The following GRIN2B variants were observed in gnomAD, a reference collection of about 807,000 sequenced individuals.
The protein encoded by GRIN2B is glutamate ionotropic receptor NMDA type subunit 2B.
A neutral mutation model predicts 114.5 loss-of-function variants in GRIN2B; 5 were observed. The ratio of observed to expected loss-of-function variants is 0.04; its 90% CI spans 0.02 to 0.09. The LOEUF is 0.09. Among genes scored for constraint, GRIN2B ranks in the 10% least tolerant of loss-of-function variants. The pLI is 1.00. For missense variants in GRIN2B, 1,108 were observed against 1,943.5 expected, an observed-to-expected ratio of 0.57 and a Z score of 8.08; for synonymous variants, 787 against 745.1, an observed-to-expected ratio of 1.06 and a Z score of -0.92.
intron 2 of GRIN2B, among the ~76,000 whole-genome samples, chr12:13,917,986 T>G (rs1195696317): frequency 6.6e-6 from 1 of 152,126 alleles, no homozygotes; most frequent in Non-Finnish European, 1.5e-5. Flanking sequence ...AATAAAGGCA[T>G]CACAGTGGTC....
intron 3 of GRIN2B, among the ~76,000 whole-genome samples, chr12:13,824,664 C>T (rs1038487946): frequency 4.6e-5 from 7 of 152,006 alleles, no homozygotes; most frequent in African/African-American, 1.2e-4. Flanking sequence ...ACCAGCCTGG[C>T]CAACATGGTG....
At chr12:13,860,016 C>T (rs573719797) in intron 3 of GRIN2B, among the ~76,000 whole-genome samples, 26 of 152,112 alleles carry the variant, frequency 1.7e-4, no homozygotes, top group Non-Finnish European at 3.2e-4. Flanking sequence ...AGTGAAGAAG[C>T]GTAGGGTAAG....
Position 13,561,701 on chromosome 12 carries a change from GA to G in GRIN2B, c.*1081del, listed in dbSNP as rs1464988737. ...GTGTGGGCAAAAGAATCATGGCTGTGAAAATTCGGTTTCCCTTTAGCCTTCC... is the reference window on the plus strand; with the variant it reads ...GTGTGGGCAAAAGAATCATGGCTGTGAAATTCGGTTTCCCTTTAGCCTTCC... On this transcript the variant is annotated 3_prime_UTR_variant, in exon 14 of 14. Transcript: ENST00000609686. 7.9e-5 allele frequency: 12 copies of G among 152,628 alleles called. No homozygotes were observed. Among genetic ancestry groups the G allele is most frequent in the Admixed American group, 7.2e-4 (11 of 15,280 alleles). The allele number at this position is 152,628 out of a possible 1,614,324, so 9.5% of individuals were successfully genotyped here.
intron 5 of GRIN2B, among the ~76,000 whole-genome samples, chr12:13,661,265 A>G (rs1478673520): frequency 1.3e-5 from 2 of 152,196 alleles, no homozygotes; most frequent in African/African-American, 4.8e-5. Context: ...TGCCAAGAAA[A>G]AAGACAAATG....
chr12:13,932,483 T>A (rs532314823), intron 2 of GRIN2B, among the ~76,000 whole-genome samples: 2 of 152,356 alleles, frequency 1.3e-5, no homozygotes, highest in South Asian at 4.1e-4. Flanking sequence ...CAGCAATGCC[T>A]ACCACTTAAT....
chr12:13,699,334 G>C (rs1383980573), intron 4 of GRIN2B, among the ~76,000 whole-genome samples: 1 of 152,132 alleles, frequency 6.6e-6, no homozygotes, highest in Non-Finnish European at 1.5e-5. Context: ...AATAAATGGT[G>C]ACCACTAGGG....
At chr12:13,816,760 A>G (rs1177526805) in intron 3 of GRIN2B, among the ~76,000 whole-genome samples, 3 of 152,198 alleles carry the variant, frequency 2.0e-5, no homozygotes, top group Non-Finnish European at 4.4e-5. Context: ...TATATGTGTT[A>G]TGTGTGTGTA....
At chr12:13,731,463 T>C (rs570001853) in intron 4 of GRIN2B, among the ~76,000 whole-genome samples, 13 of 152,052 alleles carry the variant, frequency 8.5e-5, no homozygotes, top group Non-Finnish European at 1.9e-4. Flanking sequence ...TAGCTGGGCG[T>C]GGTGGTGGGC....
chr12:13,805,787 C>T (rs188913659), intron 3 of GRIN2B, among the ~76,000 whole-genome samples: 246 of 152,210 alleles, frequency 1.6e-3, no homozygotes, highest in Middle Eastern at 0.014. Flanking sequence ...GTATATAATA[C>T]ATTGTTATTA....
At chr12:13,578,688 TG>T (rs1362089243) in intron 10 of GRIN2B, among the ~76,000 whole-genome samples, 4 of 152,154 alleles carry the variant, frequency 2.6e-5, no homozygotes, top group Admixed American at 2.6e-4. Flanking sequence ...TAGTTTGCTG[TG>T]TAGCAATAGG....
At position 13,815,246 on chromosome 12, in the gene GRIN2B, C is replaced by T. The variant is rs143167108; in HGVS notation, c.411+50552G>A. Among the ~76,000 whole-genome samples, 312 of 152,128 alleles carry T rather than the reference C, an allele frequency of 2.1e-3. 1 individual carries two copies. Among genetic ancestry groups the T allele is most frequent in the African/African-American group, 7.0e-3 (292 of 41,478 alleles). ...AAGTCAGATAGGCAGCAGACATTTGCGCAATACTCAGGGTACTTTTCCTCA... is the reference window on the plus strand; with the variant it reads ...AAGTCAGATAGGCAGCAGACATTTGTGCAATACTCAGGGTACTTTTCCTCA... On this transcript the variant is annotated intron_variant, in intron 3 of 13. Transcript: ENST00000609686.
intron 10 of GRIN2B, among the ~76,000 whole-genome samples, chr12:13,596,894 G>T (rs1456034795): frequency 6.6e-6 from 1 of 152,214 alleles, no homozygotes; most frequent in Non-Finnish European, 1.5e-5. Context: ...GCCAGAGAAG[G>T]TCCCCAGGAC....
intron 2 of GRIN2B, among the ~76,000 whole-genome samples, chr12:13,924,683 G>T (rs1485371254): frequency 6.6e-6 from 1 of 152,138 alleles, no homozygotes; most frequent in Non-Finnish European, 1.5e-5. Context: ...AATGGGAAGA[G>T]GATCTAGAAG....
rs189916282 is a variant in GRIN2B at position 13,599,995 on chromosome 12, T to C, written c.2010+8608A>G. On this transcript the variant is annotated intron_variant, in intron 10 of 13. Coordinates refer to ENST00000609686, the MANE Select transcript of GRIN2B (RefSeq NM_000834.5). ...GTTAATTAAAATTGTTTGTTGCCTA[T>C]TTTTGGCTTTAATTTTGGGCCTAGT... Among the ~76,000 whole-genome samples, 6 of 152,358 alleles carry C rather than the reference T, an allele frequency of 3.9e-5. No individual in the cohort carries two copies. In the East Asian group the frequency reaches 9.6e-4, roughly 24 times the overall value.
Position 13,896,653 on chromosome 12 carries a change from G to A in GRIN2B, c.-18-30427C>T, listed in dbSNP as rs985358957. Among the ~76,000 whole-genome samples, 3 of 152,284 alleles carry A rather than the reference G, an allele frequency of 2.0e-5. No homozygotes were observed. In the East Asian group the frequency reaches 5.8e-4, roughly 29 times the overall value. ...CATATGATGATCTCACAGCTCTGTGGACAGTAAAGTCCTTGAAAAAGAAAA... is the reference window on the plus strand; with the variant it reads ...CATATGATGATCTCACAGCTCTGTGAACAGTAAAGTCCTTGAAAAAGAAAA... On this transcript the variant is annotated intron_variant, in intron 2 of 13. Transcript: ENST00000609686.
At position 13,866,110 on chromosome 12, in the gene GRIN2B, G is replaced by C; in HGVS notation, c.99C>G (p.Pro33=). 1.2e-6 allele frequency: 2 copies of C among 1,613,570 alleles called. No individual in the cohort carries two copies. Among genetic ancestry groups the C allele is most frequent in the Non-Finnish European group, 1.7e-6 (2 of 1,179,800 alleles). The change falls in exon 3 of 14, where the codon CCC becomes CCG. Residue 33 remains proline (P), a synonymous_variant. Transcript: ENST00000609686. ...CGAGGATGACAGCAATGCCAATGCT[G>C]GGGGGGCTCTTCTGAGAACGAGCTC... ...GSRARSQKSP[P]SIGIAVILVG... is the part of the protein sequence containing the mutation.
At chr12:13,973,922 G>A (rs1862973743) in intron 2 of GRIN2B, among the ~76,000 whole-genome samples, 1 of 152,148 alleles carries the variant, frequency 6.6e-6, no homozygotes, top group South Asian at 2.1e-4. Flanking sequence ...TTAATCAAGA[G>A]GTGACTGAAG....
In GRIN2B at chr12:13,926,832, A is replaced by G. The variant is rs112599395; in HGVS notation, c.-19+53096T>C. 7.0e-3 allele frequency among the ~76,000 whole-genome samples: 1,070 copies of G among 152,286 alleles called. 16 individuals carry two copies. Among genetic ancestry groups the G allele is most frequent in the African/African-American group, 0.025 (1,031 of 41,564 alleles). ...GCCGGGTATGGTGGCAGGCGCCTGT[A>G]GTCCCAGCTACTTAGGAGGCTGAGG... On this transcript the variant is annotated intron_variant, in intron 2 of 13. Transcript: ENST00000609686.
At chr12:13,649,925 A>T (rs1358941939) in intron 5 of GRIN2B, among the ~76,000 whole-genome samples, 3 of 152,122 alleles carry the variant, frequency 2.0e-5, no homozygotes, top group African/African-American at 7.2e-5. Flanking sequence ...AAGAATTTGA[A>T]AACTATACAC....
Sources: gnomAD v4.1 joint callset for allele counts (sites outside exome capture counted in the v4.1 genomes callset) on GRCh38, gnomAD v4.1.1 for gene constraint, MANE v1.5 for transcripts, NCBI Gene and HGNC (gene_info 2026-07-23, HGNC 2026-07-21) for gene names.